The following CCDC18 variants were observed in gnomAD, a reference collection of about 807,000 sequenced individuals.
CCDC18 encodes the protein coiled-coil domain containing 18.
In CCDC18, 157 loss-of-function variants were observed where a neutral mutation model predicts 196.0. The observed-to-expected ratio is 0.80, with a 90% CI of 0.70 to 0.91. CCDC18 has a LOEUF of 0.91. Ranked by LOEUF, CCDC18 falls within the 40% of genes least tolerant of loss-of-function variation. The pLI is 0.00. For synonymous variants in CCDC18, 482 were observed against 529.2 expected (o/e 0.91, Z 1.22); for missense variants, 1,465 against 1,611.6 (o/e 0.91, Z 1.56).
chr1:93,180,293 C>T (rs1303670403), upstream of CCDC18: 5 of 1,539,718 alleles, frequency 3.2e-6, no homozygotes, highest in Non-Finnish European at 4.4e-6. Flanking sequence ...CTGTTGTCTC[C>T]GCTCCGCGTT....
At chr1:93,201,134 A>C (rs1653759274) in intron 6 of CCDC18, among the ~76,000 whole-genome samples, 1 of 152,198 alleles carries the variant, frequency 6.6e-6, no homozygotes, top group South Asian at 2.1e-4. Flanking sequence ...CAGAAGCTAG[A>C]GTGTATTTCT....
At chr1:93,234,188 A>T (rs1225998269) in intron 18 of CCDC18, among the ~76,000 whole-genome samples, 1 of 150,642 alleles carries the variant, frequency 6.6e-6, no homozygotes, top group African/African-American at 2.4e-5. Context: ...TTTGAGACGT[A>T]GTCTCACTGT....
chr1:93,207,455 A>G, intron 9 of CCDC18, 57 bp downstream of exon 9: 1 of 1,307,084 alleles, frequency 7.7e-7, no homozygotes, highest in South Asian at 1.6e-5. Flanking sequence ...TGTTTTAGAA[A>G]AGACTATCAT....
chr1:93,206,686 A>C (rs942634531), intron 8 of CCDC18, among the ~76,000 whole-genome samples: 3 of 152,172 alleles, frequency 2.0e-5, no homozygotes, highest in African/African-American at 7.2e-5. Flanking sequence ...AGCTGGTTGT[A>C]CAATTATGTA....
At chr1:93,275,383 A>C (rs1665568075) in intron 28 of CCDC18, among the ~76,000 whole-genome samples, 1 of 152,288 alleles carries the variant, frequency 6.6e-6, no homozygotes, top group South Asian at 2.1e-4. Context: ...TGCTGAGATG[A>C]CAGGCGTGAG....
At chr1:93,268,730 C>T (rs1220358403) in intron 27 of CCDC18, among the ~76,000 whole-genome samples, 2 of 151,894 alleles carry the variant, frequency 1.3e-5, no homozygotes, top group East Asian at 3.9e-4. Flanking sequence ...AATGAGATAC[C>T]ATCTCACACC....
chr1:93,262,348 T>G (rs778565070), intron 26 of CCDC18: 3 of 151,868 alleles, frequency 2.0e-5, no homozygotes, highest in Non-Finnish European at 4.4e-5. Context: ...GAGACAAGCC[T>G]TCCATCTATG....
chr1:93,220,125 A>G (rs749133279), intron 14 of CCDC18, among the ~76,000 whole-genome samples: 1 of 152,186 alleles, frequency 6.6e-6, no homozygotes, highest in Non-Finnish European at 1.5e-5. Flanking sequence ...AAAACAAAAA[A>G]CTTTGAAAGC....
intron 19 of CCDC18, among the ~76,000 whole-genome samples, chr1:93,238,579 A>T (rs568735443): frequency 8.5e-4 from 130 of 152,220 alleles, no homozygotes; most frequent in Non-Finnish European, 1.6e-3. Flanking sequence ...ACAAAGGAAC[A>T]TGAACTCTTC....
intron 27 of CCDC18, among the ~76,000 whole-genome samples, chr1:93,268,218 G>T (rs1664772258): frequency 6.6e-6 from 1 of 152,208 alleles, no homozygotes; most frequent in Admixed American, 6.5e-5. Context: ...AAACTGGCTA[G>T]CCATATGTAG....
chr1:93,242,097 T>A (rs570954464), intron 21 of CCDC18, among the ~76,000 whole-genome samples: 9 of 152,152 alleles, frequency 5.9e-5, no homozygotes, highest in Non-Finnish European at 1.2e-4. Flanking sequence ...AAAAATTGTA[T>A]ACAAATGTTT....
At chr1:93,248,082 C>G (rs1661739796) in intron 23 of CCDC18, among the ~76,000 whole-genome samples, 2 of 122,908 alleles carry the variant, frequency 1.6e-5, no homozygotes, top group Non-Finnish European at 3.1e-5. Flanking sequence ...GTGGCTTGAT[C>G]TCAGCTCACT....
At position 93,232,576 on chromosome 1, in the gene CCDC18, ACT is replaced by A. The variant is rs1260909726; in HGVS notation, c.2444_2445del (p.Thr815LysfsTer3). ...IRNGELEDTQ[T>X]KLEKQVSKLE... ...AAATGGAGAGCTAGAAGATACTCAA[ACT>A]AAACTTGAAAAACAGGTATATATTA... On this transcript the variant is annotated frameshift_variant, in exon 18 of 29. Transcript: ENST00000690025. LOFTEE classifies it high-confidence loss of function. 1 of 1,600,666 alleles carries A rather than the reference ACT, an allele frequency of 6.2e-7. No individual in the cohort carries two copies. The highest frequency in any genetic ancestry group is 1.8e-5 in the Admixed American group (1 of 57,072).
rs1464927711 is a variant in CCDC18 at position 93,207,257 on chromosome 1, C to A, written c.1068C>A (p.Asp356Glu). The change falls in exon 9 of 29, where the codon GAC becomes GAA. Residue 356 changes from aspartate (D) to glutamate (E), a missense_variant. Physicochemically the swap from Asp to Glu is conservative, Grantham distance 45. Transcript: ENST00000690025. ...AGAACAAAGACGAAATACTTAGAGA[C>A]AAATTTTCTTTAATGAATGAAAACC... ...ELENKDEILR[D>E]KFSLMNENRE... The A allele has an allele frequency of 6.2e-7, 1 of 1,613,460 alleles. No individual in the cohort carries two copies. The highest frequency in any genetic ancestry group is 8.5e-7 in the Non-Finnish European group (1 of 1,179,676).
At chr1:93,276,149 T>C (rs929298723) in intron 28 of CCDC18, among the ~76,000 whole-genome samples, 6 of 152,236 alleles carry the variant, frequency 3.9e-5, no homozygotes, top group Non-Finnish European at 8.8e-5. Context: ...AGTCCACTGG[T>C]ACAATGAAAA....
Position 93,216,698 on chromosome 1 carries a change from T to C in CCDC18, c.1782T>C (p.Ala594=). The change falls in exon 13 of 29, where the codon GCT becomes GCC. Residue 594 remains alanine, a synonymous_variant. Coordinates refer to ENST00000690025, the MANE Select transcript of CCDC18 (RefSeq NM_001378204.1). ...AACAGCTGGAAGAAAAGATAGTTGC[T>C]TATTCCTCTATTGCTGCAAAAAATG... ...LEKQLEEKIV[A]YSSIAAKNAE... is the part of the protein sequence containing the mutation. 1 of 1,591,884 alleles carries C rather than the reference T, an allele frequency of 6.3e-7. No homozygotes were observed. The highest frequency in any genetic ancestry group is 8.5e-7 in the Non-Finnish European group (1 of 1,171,372).
intron 21 of CCDC18, among the ~76,000 whole-genome samples, chr1:93,240,570 A>G (rs1424544838): frequency 6.6e-6 from 1 of 152,220 alleles, no homozygotes; most frequent in Non-Finnish European, 1.5e-5. Flanking sequence ...CAGGATAAAG[A>G]GCAGCAAGAT....
At chr1:93,274,143 G>A (rs551507007) in intron 28 of CCDC18, among the ~76,000 whole-genome samples, 1 of 152,266 alleles carries the variant, frequency 6.6e-6, no homozygotes, top group Non-Finnish European at 1.5e-5. Flanking sequence ...GGTGGCTCAC[G>A]CCTGTAATCC....
chr1:93,198,004 G>A (rs960881520), intron 6 of CCDC18, among the ~76,000 whole-genome samples: 1 of 151,880 alleles, frequency 6.6e-6, no homozygotes, highest in Non-Finnish European at 1.5e-5. Context: ...GCCCGCCTTG[G>A]CCTCCCAAAG....
Sources: allele counts gnomAD v4.1 joint callset (sites outside exome capture counted in the v4.1 genomes callset), GRCh38; gene constraint gnomAD v4.1.1; transcripts MANE v1.5; gene names NCBI Gene and HGNC (gene_info 2026-07-23, HGNC 2026-07-21).